NRG1: variants seen among roughly 807,000 people sequenced by gnomAD.
NRG1 encodes neuregulin 1.
A neutral mutation model predicts 63.8 loss-of-function variants in NRG1; 18 were observed. The ratio of observed to expected loss-of-function variants is 0.28; its 90% CI spans 0.19 to 0.42. NRG1 has a LOEUF of 0.42. NRG1 is among the 10% of genes least tolerant of loss of function. The pLI, the probability that NRG1 is intolerant of heterozygous loss-of-function variation, is 1.00. For missense variants in NRG1, 762 were observed against 814.7 expected (o/e 0.94, Z 0.79); for synonymous variants, 302 against 301.3 (o/e 1.00, Z -0.02).
At chr8:32,278,747 C>T (rs1852377999) in intron 1 of NRG1, among the ~76,000 whole-genome samples, 1 of 152,182 alleles carries the variant, frequency 6.6e-6, no homozygotes. Flanking sequence ...TGGGTAGACT[C>T]TGCCCAGGCA....
intron 1 of NRG1, among the ~76,000 whole-genome samples, chr8:32,082,536 A>G (rs895536579): frequency 6.6e-6 from 1 of 152,172 alleles, no homozygotes; most frequent in African/African-American, 2.4e-5. Flanking sequence ...GAAAAACAAC[A>G]GGAAAATAAA....
At position 32,137,934 on chromosome 8, in the gene NRG1, T is replaced by G. The variant is rs189204944; in HGVS notation, c.38-457894T>G. On this transcript the variant is annotated intron_variant, in intron 1 of 10. Transcript: ENST00000519301. ...TTTGTATTAAGATTGTATTAAGATTTAAGTTTTCTTAAATTTGCAAGTCAC... is the reference window on the plus strand; with the variant it reads ...TTTGTATTAAGATTGTATTAAGATTGAAGTTTTCTTAAATTTGCAAGTCAC... 8.1e-4 allele frequency among the ~76,000 whole-genome samples: 124 copies of G among 152,288 alleles called. 2 individuals are homozygous for G. Among genetic ancestry groups the G allele is most frequent in the African/African-American group, 2.8e-3 (117 of 41,566 alleles).
At chr8:32,047,794 CTT>C (rs56938669) in intron 1 of NRG1, among the ~76,000 whole-genome samples, 38 of 148,398 alleles carry the variant, frequency 2.6e-4, no homozygotes, top group African/African-American at 9.1e-4. Context: ...TACATTTACT[CTT>C]TTTTTTTTAA....
intron 1 of NRG1, among the ~76,000 whole-genome samples, chr8:32,455,519 A>G (rs1450844959): frequency 6.6e-6 from 1 of 152,224 alleles, no homozygotes; most frequent in Non-Finnish European, 1.5e-5. Context: ...CAGTGTTTTT[A>G]TTAGTAAATT....
chr8:32,288,688 G>A (rs1298241278), intron 1 of NRG1, among the ~76,000 whole-genome samples: 4 of 152,088 alleles, frequency 2.6e-5, no homozygotes, highest in East Asian at 1.9e-4. Flanking sequence ...GCCACTGCCC[G>A]GTCCTTGAAA....
At chr8:32,709,152 A>G (rs1013164581) in intron 5 of NRG1, among the ~76,000 whole-genome samples, 6 of 152,158 alleles carry the variant, frequency 3.9e-5, no homozygotes, top group Non-Finnish European at 7.4e-5. Context: ...CTCAACATTG[A>G]CTGCTTATTT....
chr8:32,192,498 C>T (rs1186448339), intron 1 of NRG1, among the ~76,000 whole-genome samples: 9 of 151,942 alleles, frequency 5.9e-5, no homozygotes, highest in South Asian at 2.1e-4. Flanking sequence ...AAGAGAAAAC[C>T]GTATGCCACG....
At chr8:31,882,774 G>A (rs776625474) in intron 1 of NRG1, among the ~76,000 whole-genome samples, 4 of 152,128 alleles carry the variant, frequency 2.6e-5, no homozygotes, top group Non-Finnish European at 5.9e-5. Flanking sequence ...GATGGAAATA[G>A]CAAGAAAATT....
chr8:32,675,896 C>A (rs1806964144), intron 5 of NRG1, among the ~76,000 whole-genome samples: 1 of 151,970 alleles, frequency 6.6e-6, no homozygotes, highest in Admixed American at 6.6e-5. Flanking sequence ...TTTATTTGGC[C>A]TTGCTTGAAT....
intron 1 of NRG1, among the ~76,000 whole-genome samples, chr8:31,769,769 A>G (rs1818432526): frequency 2.6e-5 from 4 of 152,166 alleles, no homozygotes; most frequent in Admixed American, 2.6e-4. Context: ...AAAATAGCTC[A>G]GAGGCAACCA....
chr8:32,612,134 A>C (rs556993039), intron 3 of NRG1, among the ~76,000 whole-genome samples: 1 of 152,222 alleles, frequency 6.6e-6, no homozygotes, highest in East Asian at 1.9e-4. Flanking sequence ...TGTCCTTTAT[A>C]AATTAACAAA....
chr8:32,596,076 C>T (rs1376180946), intron 2 of NRG1, 71 bp downstream of exon 2: 2 of 1,182,164 alleles, frequency 1.7e-6, no homozygotes, highest in African/African-American at 1.5e-5. Flanking sequence ...TATTTAGACC[C>T]TAATAAGTGA....
At chr8:31,971,946 T>G (rs540734442) in intron 1 of NRG1, among the ~76,000 whole-genome samples, 24 of 152,266 alleles carry the variant, frequency 1.6e-4, no homozygotes, top group African/African-American at 5.8e-4. Context: ...TTAACAAATA[T>G]TCCACATTCT....
intron 1 of NRG1, among the ~76,000 whole-genome samples, chr8:32,387,085 C>T (rs1811114094): frequency 6.6e-6 from 1 of 152,196 alleles, no homozygotes; most frequent in Non-Finnish European, 1.5e-5. Flanking sequence ...GAATAATTTT[C>T]AGTGCACATA....
At chr8:32,072,357 C>G (rs1380590258) in intron 1 of NRG1, among the ~76,000 whole-genome samples, 1 of 151,522 alleles carries the variant, frequency 6.6e-6, no homozygotes, top group East Asian at 1.9e-4. Flanking sequence ...CTTTCATTTC[C>G]TCTGGGGAAA....
At chr8:32,050,362 G>T (rs578048744) in intron 1 of NRG1, among the ~76,000 whole-genome samples, 1 of 152,104 alleles carries the variant, frequency 6.6e-6, no homozygotes, top group Admixed American at 6.6e-5. Flanking sequence ...TTCCTTGGGA[G>T]CTTCCACTGA....
intron 1 of NRG1, among the ~76,000 whole-genome samples, chr8:31,702,558 C>T (rs1336049394): frequency 6.6e-6 from 1 of 151,798 alleles, no homozygotes; most frequent in Non-Finnish European, 1.5e-5. Context: ...TATTAATGGC[C>T]ATTGGTCATT....
At chr8:32,074,141 C>T (rs565766162) in intron 1 of NRG1, among the ~76,000 whole-genome samples, 18 of 152,134 alleles carry the variant, frequency 1.2e-4, no homozygotes, top group Admixed American at 2.0e-4. Context: ...ACCAAGGATG[C>T]TAAATATAAC....
intron 1 of NRG1, among the ~76,000 whole-genome samples, chr8:32,128,909 G>T (rs1834446283): frequency 6.6e-6 from 1 of 151,818 alleles, no homozygotes; most frequent in Non-Finnish European, 1.5e-5. Flanking sequence ...TTGGCCATGT[G>T]GTTTTCTCTG....
Sources: gnomAD v4.1 joint callset for allele counts (sites outside exome capture counted in the v4.1 genomes callset) on GRCh38, gnomAD v4.1.1 for gene constraint, MANE v1.5 for transcripts, NCBI Gene and HGNC (gene_info 2026-07-23, HGNC 2026-07-21) for gene names.